PIWIL2: variants seen among roughly 807,000 people sequenced by gnomAD.
PIWIL2 encodes the protein piwi-like protein 2.
Under a neutral mutation model 116.5 loss-of-function variants are expected in PIWIL2, and 81 were observed. The observed-to-expected ratio is 0.70, with a 90% CI of 0.58 to 0.84. The LOEUF is 0.84. Among genes scored for constraint, PIWIL2 ranks in the 40% least tolerant of loss-of-function variants. The probability of loss-of-function intolerance (pLI) is 0.00; values close to 1 mark genes in which losing one functional copy is unlikely to be tolerated. For synonymous variants in PIWIL2, 489 were observed against 429.5 expected (o/e 1.14, Z -1.71); for missense variants, 1,272 against 1,212.3 (o/e 1.05, Z -0.73).
intron 6 of PIWIL2, among the ~76,000 whole-genome samples, chr8:22,284,565 C>G (rs75878868): frequency 1.0e-3 from 156 of 152,168 alleles, no homozygotes; most frequent in African/African-American, 3.5e-3. Flanking sequence ...TTAAAACTTG[C>G]ATTAGGTGTC....
intron 21 of PIWIL2, 58 bp downstream of exon 21, chr8:22,353,270 T>G: frequency 2.0e-6 from 3 of 1,481,768 alleles, no homozygotes; most frequent in Non-Finnish European, 2.8e-6. Flanking sequence ...GTTGTCACTT[T>G]CCTGAGTATT....
intron 20 of PIWIL2, among the ~76,000 whole-genome samples, chr8:22,343,273 G>A (rs1460172015): frequency 1.3e-5 from 2 of 152,142 alleles, no homozygotes; most frequent in South Asian, 2.1e-4. Flanking sequence ...GTGTGGTGGC[G>A]CATGACTGTA....
At chr8:22,353,454 G>A (rs1832419570) in intron 21 of PIWIL2, among the ~76,000 whole-genome samples, 1 of 152,122 alleles carries the variant, frequency 6.6e-6, no homozygotes, top group Admixed American at 6.6e-5. Context: ...TTCAATACCA[G>A]CCTGGCCAAC....
At chr8:22,314,053 G>A (rs1188348225) in intron 16 of PIWIL2, among the ~76,000 whole-genome samples, 1 of 152,158 alleles carries the variant, frequency 6.6e-6, no homozygotes, top group African/African-American at 2.4e-5. Context: ...AGCCATCTGA[G>A]TCTTCTAATA....
chr8:22,292,754 G>A (rs536811758), intron 10 of PIWIL2, among the ~76,000 whole-genome samples: 73 of 152,314 alleles, frequency 4.8e-4, no homozygotes, highest in African/African-American at 1.6e-3. Context: ...AAAGGAGATT[G>A]GTCGTTTGTT....
intron 20 of PIWIL2, among the ~76,000 whole-genome samples, chr8:22,330,015 T>A (rs1216085456): frequency 6.6e-6 from 1 of 152,204 alleles, no homozygotes; most frequent in Non-Finnish European, 1.5e-5. Flanking sequence ...GTTAATTATT[T>A]ACTCAGATAT....
intron 7 of PIWIL2, among the ~76,000 whole-genome samples, chr8:22,288,325 A>ATGTAAACT (rs1189222847): frequency 6.6e-6 from 1 of 151,790 alleles, no homozygotes; most frequent in Admixed American, 6.6e-5. Context: ...AAAATTGCAA[A>ATGTAAACT]TGTAAACTTG....
intron 20 of PIWIL2, chr8:22,321,854 G>A: frequency 1.0e-6 from 1 of 984,978 alleles, no homozygotes; most frequent in Non-Finnish European, 1.2e-6. Flanking sequence ...AGGAATGGCA[G>A]TAACCACCGG....
At chr8:22,316,414 T>A (rs1831461331) in intron 19 of PIWIL2, 81 bp downstream of exon 19, 2 of 859,990 alleles carry the variant, frequency 2.3e-6, no homozygotes, top group Non-Finnish European at 3.9e-6. Flanking sequence ...CAAATCTTTT[T>A]AGCATTATGT....
chr8:22,282,019 C>A (rs1458742667), intron 4 of PIWIL2, among the ~76,000 whole-genome samples: 1 of 151,134 alleles, frequency 6.6e-6, no homozygotes. Context: ...GCAGTCCACC[C>A]ACCTCGGCCT....
rs990009601 is a variant in PIWIL2 at position 22,295,875 on chromosome 8, G to T, written c.1181+5529G>T. Among the ~76,000 whole-genome samples, 6 of 152,122 alleles carry T rather than the reference G, an allele frequency of 3.9e-5. No individual in the cohort carries two copies. In the East Asian group the frequency reaches 5.8e-4, roughly 15 times the overall value. On this transcript the variant is annotated intron_variant, in intron 10 of 22. Coordinates refer to ENST00000356766, the MANE Select transcript of PIWIL2 (RefSeq NM_018068.5). ...ATAAGGTTACTTTCTTACGTCACTT[G>T]TAAGTTCTCAATTGATTTAATGAGC... is the stretch of plus-strand genomic sequence containing the variant.
At chr8:22,312,895 C>G (rs891491494) in intron 16 of PIWIL2, among the ~76,000 whole-genome samples, 1 of 152,324 alleles carries the variant, frequency 6.6e-6, no homozygotes, top group Admixed American at 6.5e-5. Context: ...CCCACCTCCA[C>G]CTCCCAAAGT....
intron 20 of PIWIL2, among the ~76,000 whole-genome samples, chr8:22,335,845 C>T (rs915096598): frequency 7.2e-5 from 11 of 152,146 alleles, no homozygotes; most frequent in African/African-American, 2.4e-4. Flanking sequence ...AGGCGTGAGC[C>T]ACTGTGCCCG....
chr8:22,278,138 A>G (rs1214966646), intron 1 of PIWIL2, among the ~76,000 whole-genome samples: 1 of 151,978 alleles, frequency 6.6e-6, no homozygotes, highest in African/African-American at 2.4e-5. Flanking sequence ...ATTGCACTCC[A>G]GCCTTGGCAA....
chr8:22,305,004 G>A, intron 12 of PIWIL2, 136 bp downstream of exon 12: 2 of 651,528 alleles, frequency 3.1e-6, no homozygotes, highest in South Asian at 3.6e-5. Flanking sequence ...GCAAGTGTTT[G>A]TCTGTCTCAT....
rs963474026 is a variant in PIWIL2, at chr8:22,275,343, G to C, written c.-102G>C. 1.5e-5 allele frequency: 2 copies of C among 135,740 alleles called. No individual in the cohort carries two copies. The highest frequency in any genetic ancestry group is 7.6e-5 in the Admixed American group (1 of 13,180). The allele number at this position is 135,740 out of a possible 1,614,324, so 8.4% of individuals were successfully genotyped here. A position where few individuals can be genotyped will look rare whatever the true frequency, so the allele number is the denominator to read the frequency against. On this transcript the variant is annotated 5_prime_UTR_variant, in exon 1 of 23. Coordinates refer to ENST00000356766, the MANE Select transcript of PIWIL2 (RefSeq NM_018068.5). ...GGGCCCCGGGGCGTGGGTTGAGCTC[G>C]GTCTTCCCCTGAGGCCGCGCGGAGC... is the stretch of plus-strand genomic sequence containing the variant.
chr8:22,299,675 C>T (rs117034912), intron 10 of PIWIL2, among the ~76,000 whole-genome samples: 3,978 of 152,116 alleles, frequency 0.026, 90 homozygotes, highest in Admixed American at 0.058. Context: ...TTAAAGTATA[C>T]AGTTTGATGA....
intron 20 of PIWIL2, chr8:22,352,665 T>G (rs1015029858): frequency 3.2e-6 from 1 of 308,412 alleles, no homozygotes; most frequent in African/African-American, 2.1e-5. Context: ...AGCATTCCTT[T>G]GAACTTTGTT....
chr8:22,351,166 A>G (rs1472726307), intron 20 of PIWIL2, among the ~76,000 whole-genome samples: 1 of 151,530 alleles, frequency 6.6e-6, no homozygotes, highest in Non-Finnish European at 1.5e-5. Flanking sequence ...AAAATAATTA[A>G]TTAATTAACT....
Sources: gnomAD v4.1 joint callset for allele counts (sites outside exome capture counted in the v4.1 genomes callset) on GRCh38, gnomAD v4.1.1 for gene constraint, MANE v1.5 for transcripts, NCBI Gene and HGNC (gene_info 2026-07-23, HGNC 2026-07-21) for gene names.